The following ADAM19 variants were observed in gnomAD, a reference collection of about 807,000 sequenced individuals.
The protein encoded by ADAM19 is disintegrin and metalloproteinase domain-containing protein 19.
In ADAM19, 65 loss-of-function variants were observed where a neutral mutation model predicts 114.7. The observed-to-expected ratio is 0.57, with a 90% CI of 0.46 to 0.70. The LOEUF is 0.70. ADAM19 is among the 30% of genes least tolerant of loss of function. The probability of loss-of-function intolerance (pLI) is 0.00; values close to 1 mark genes in which losing one functional copy is unlikely to be tolerated. For missense variants in ADAM19, 1,063 were observed against 1,204.7 expected, an observed-to-expected ratio of 0.88 and a Z score of 1.74; for synonymous variants, 466 against 460.5, an observed-to-expected ratio of 1.01 and a Z score of -0.15.
In ADAM19 at chr5:157,479,693, G is replaced by A. The variant is rs934407492; in HGVS notation, c.*1256C>T. 2 of 986,114 alleles carry A rather than the reference G, an allele frequency of 2.0e-6. No individual in the cohort carries two copies. The highest frequency in any genetic ancestry group is 2.4e-6 in the Non-Finnish European group (2 of 830,232). The allele number at this position is 986,114 out of a possible 1,614,324, so 61.1% of individuals were successfully genotyped here. On this transcript the variant is annotated 3_prime_UTR_variant, in exon 23 of 23. Transcript: ENST00000257527. ...AGTGAATGACAAAAAGCTGGGTTGAGGAAGAGGCTCCCTGCTCTGACTGTT... is the reference window on the plus strand; with the variant it reads ...AGTGAATGACAAAAAGCTGGGTTGAAGAAGAGGCTCCCTGCTCTGACTGTT...
chr5:157,564,971 T>C (rs770101348), intron 2 of ADAM19, among the ~76,000 whole-genome samples: 133 of 152,232 alleles, frequency 8.7e-4, no homozygotes, highest in Non-Finnish European at 1.8e-3. Context: ...CCTATTATCT[T>C]GTAAAATACT....
intron 3 of ADAM19, among the ~76,000 whole-genome samples, chr5:157,553,545 G>A (rs1757262330): frequency 6.6e-6 from 1 of 152,174 alleles, no homozygotes; most frequent in Non-Finnish European, 1.5e-5. Context: ...AGCCTTTGGG[G>A]AGGTATTTGT....
Position 157,492,967 on chromosome 5 carries a change from A to C in ADAM19, c.1908+6T>G, listed in dbSNP as rs1581295036. ...GGCTCCTAGGTGAGCAGGGGAGGGG[A>C]CTCACATGGTTGTAGCCACACTTGG... is the stretch of plus-strand genomic sequence containing the variant. On this transcript the variant is annotated splice_donor_region_variant and intron_variant, in intron 16 of 22. Coordinates refer to ENST00000257527, the MANE Select transcript of ADAM19 (RefSeq NM_033274.5). The C allele has an allele frequency of 6.2e-7, 1 of 1,613,888 alleles. No individual in the cohort carries two copies. Among genetic ancestry groups the C allele is most frequent in the Non-Finnish European group, 8.5e-7 (1 of 1,179,916 alleles).
intron 2 of ADAM19, among the ~76,000 whole-genome samples, chr5:157,570,191 C>A (rs1232747029): frequency 6.6e-6 from 1 of 152,110 alleles, no homozygotes; most frequent in South Asian, 2.1e-4. Context: ...ACCTGCCAGG[C>A]GGAGCTCACA....
chr5:157,532,354 T>C (rs891552299), intron 4 of ADAM19, among the ~76,000 whole-genome samples: 1 of 152,196 alleles, frequency 6.6e-6, no homozygotes, highest in Non-Finnish European at 1.5e-5. Context: ...AAGAAGGGGC[T>C]TGAAATAACC....
intron 4 of ADAM19, among the ~76,000 whole-genome samples, chr5:157,532,108 T>A (rs1022420221): frequency 7.2e-5 from 11 of 152,204 alleles, no homozygotes; most frequent in African/African-American, 2.7e-4. Context: ...TGTACTTGAT[T>A]TGGTACCTGT....
Position 157,562,172 on chromosome 5 carries a change from C to T in ADAM19, c.251+2201G>A, listed in dbSNP as rs367831229. Among the ~76,000 whole-genome samples the T allele has an allele frequency of 5.9e-5, 9 of 152,302 alleles. No homozygotes were observed. In the East Asian group the frequency reaches 9.6e-4, roughly 16 times the overall value. On this transcript the variant is annotated intron_variant, in intron 3 of 22. Coordinates refer to ENST00000257527, the MANE Select transcript of ADAM19 (RefSeq NM_033274.5). Reference sequence around the variant, plus strand: ...AGGAAGTCGTGTGCAGTTGGAGTTCCGCTCACTAACACATGTTCAAAACAA... The same window carrying T: ...AGGAAGTCGTGTGCAGTTGGAGTTCTGCTCACTAACACATGTTCAAAACAA...
chr5:157,539,667 T>C (rs890187729), intron 3 of ADAM19, among the ~76,000 whole-genome samples: 4 of 152,220 alleles, frequency 2.6e-5, no homozygotes, highest in Non-Finnish European at 5.9e-5. Context: ...GAAATTCTCA[T>C]TCACATGGAA....
At position 157,506,971 on chromosome 5, in the gene ADAM19, T is replaced by C. The variant is rs934862375; in HGVS notation, c.990+85A>G. ...GCTTTTTCTGCTACAATAATAAATATCAACTTATTATTCAAAAGATGACCT... is the reference window on the plus strand; with the variant it reads ...GCTTTTTCTGCTACAATAATAAATACCAACTTATTATTCAAAAGATGACCT... On this transcript the variant is annotated intron_variant, in intron 10 of 22. Coordinates refer to ENST00000257527, the MANE Select transcript of ADAM19 (RefSeq NM_033274.5). 6 of 1,151,790 alleles carry C rather than the reference T, an allele frequency of 5.2e-6. No homozygotes were observed. In the African/African-American group the frequency reaches 9.2e-5, roughly 18 times the overall value. The allele number at this position is 1,151,790 out of a possible 1,614,324, so 71.3% of individuals were successfully genotyped here.
intron 3 of ADAM19, among the ~76,000 whole-genome samples, chr5:157,543,770 A>C (rs140201322): frequency 2.0e-5 from 3 of 152,116 alleles, no homozygotes; most frequent in African/African-American, 7.2e-5. Context: ...ACTCAGCCTC[A>C]GTTTCCCTTT....
Position 157,477,921 on chromosome 5 carries a change from T to C in ADAM19, c.*3028A>G. Reference sequence around the variant, plus strand: ...TTAAGATCTGCAAGTGTCTCAGAGCTGGGGCAGAAAAAGGCTTTACTTTTA... The same window carrying C: ...TTAAGATCTGCAAGTGTCTCAGAGCCGGGGCAGAAAAAGGCTTTACTTTTA... On this transcript the variant is annotated 3_prime_UTR_variant, in exon 23 of 23. Coordinates refer to ENST00000257527, the MANE Select transcript of ADAM19 (RefSeq NM_033274.5). 4 of 328,052 alleles carry C rather than the reference T, an allele frequency of 1.2e-5. No homozygotes were observed. Among genetic ancestry groups the C allele is most frequent in the Non-Finnish European group, 1.8e-5 (3 of 166,328 alleles). The allele number at this position is 328,052 out of a possible 1,614,324, so 20.3% of individuals were successfully genotyped here. A position where few individuals can be genotyped will look rare whatever the true frequency, so the allele number is the denominator to read the frequency against.
chr5:157,539,901 T>C (rs1427005614), intron 3 of ADAM19, among the ~76,000 whole-genome samples: 2 of 152,210 alleles, frequency 1.3e-5, no homozygotes, highest in Admixed American at 6.5e-5. Context: ...ACCGAATGAA[T>C]GGATGGATGA....
At chr5:157,555,495 G>C (rs995591806) in intron 3 of ADAM19, among the ~76,000 whole-genome samples, 1 of 152,128 alleles carries the variant, frequency 6.6e-6, no homozygotes, top group African/African-American at 2.4e-5. Flanking sequence ...TCATTTTCAT[G>C]CTTGAAGAAA....
chr5:157,482,656 G>A (rs543907277), intron 21 of ADAM19, among the ~76,000 whole-genome samples: 1 of 152,240 alleles, frequency 6.6e-6, no homozygotes, highest in African/African-American at 2.4e-5. Flanking sequence ...TATTAAATAG[G>A]GAGGATCTAG....
intron 12 of ADAM19, 55 bp from the exon 13 acceptor site, chr5:157,499,717 A>T: frequency 8.0e-7 from 1 of 1,254,212 alleles, no homozygotes; most frequent in South Asian, 1.3e-5. Context: ...CACCCCCAAC[A>T]TTTTCCCCAC....
intron 21 of ADAM19, among the ~76,000 whole-genome samples, chr5:157,484,237 A>T (rs1754855102): frequency 6.6e-6 from 1 of 152,118 alleles, no homozygotes; most frequent in Non-Finnish European, 1.5e-5. Context: ...GCCTTACAAC[A>T]TATATAATTT....
At chr5:157,492,185 G>C (rs754903753) in intron 16 of ADAM19, among the ~76,000 whole-genome samples, 1 of 152,134 alleles carries the variant, frequency 6.6e-6, no homozygotes, top group Admixed American at 6.5e-5. Context: ...CCAGCTACTC[G>C]GGAAGCTGAG....
At chr5:157,518,730 G>A in intron 7 of ADAM19, 93 bp downstream of exon 7, 1 of 1,034,332 alleles carries the variant, frequency 9.7e-7, no homozygotes, top group East Asian at 2.4e-5. Context: ...GGAGAAAGAT[G>A]AATGGGCAAC....
chr5:157,487,138 TAGCACCCTC>T (rs1427788661), intron 21 of ADAM19, among the ~76,000 whole-genome samples: 1 of 152,098 alleles, frequency 6.6e-6, no homozygotes. Context: ...TACTCTGCTA[TAGCACCCTC>T]AGCACACGAG....
Sources: allele counts gnomAD v4.1 joint callset (sites outside exome capture counted in the v4.1 genomes callset), GRCh38; gene constraint gnomAD v4.1.1; transcripts MANE v1.5; gene names NCBI Gene and HGNC (gene_info 2026-07-23, HGNC 2026-07-21).